The following GUCY1A2 variants were observed in gnomAD, a reference collection of about 807,000 sequenced individuals.
GUCY1A2 encodes guanylate cyclase 1 soluble subunit alpha 2, also known as guanylate cyclase soluble subunit alpha-2.
GUCY1A2 carries 27 observed loss-of-function variants against 63.5 expected under a neutral mutation model. The observed-to-expected ratio is 0.43, with a 90% CI of 0.31 to 0.59. GUCY1A2 has a LOEUF of 0.59. Among genes scored for constraint, GUCY1A2 ranks in the 20% least tolerant of loss-of-function variants. The pLI is 0.11. For missense variants in GUCY1A2, 768 were observed against 913.3 expected (o/e 0.84, Z 2.05); for synonymous variants, 364 against 343.5 (o/e 1.06, Z -0.66).
intron 3 of GUCY1A2, among the ~76,000 whole-genome samples, chr11:106,942,481 C>G (rs899537851): frequency 2.6e-5 from 4 of 152,118 alleles, no homozygotes; most frequent in African/African-American, 9.7e-5. Flanking sequence ...TTATTAAAAA[C>G]TAAATACAGA....
At chr11:106,805,269 G>A (rs979972705) in intron 5 of GUCY1A2, among the ~76,000 whole-genome samples, 5 of 145,790 alleles carry the variant, frequency 3.4e-5, no homozygotes, top group Non-Finnish European at 6.0e-5. Flanking sequence ...TTTTTGAGAC[G>A]TAGTCTCACT....
chr11:106,902,962 AG>A (rs1860154764), intron 4 of GUCY1A2, among the ~76,000 whole-genome samples: 1 of 152,156 alleles, frequency 6.6e-6, no homozygotes, highest in Non-Finnish European at 1.5e-5. Context: ...ACAGATACCA[AG>A]GGACGACAGT....
At position 106,681,479 on chromosome 11, in the gene GUCY1A2, C is replaced by T. The variant is rs555810937; in HGVS notation, c.*6070G>A. On this transcript the variant is annotated 3_prime_UTR_variant, in exon 8 of 8. Coordinates refer to ENST00000526355, the MANE Select transcript of GUCY1A2 (RefSeq NM_000855.3). ...AAATTGGGCAACATTATAAATAATA[C>T]ACAAATCTCTTTGACAGGAATAGAA... 3.2e-5 allele frequency: 7 copies of T among 220,812 alleles called. No homozygotes were observed. Among genetic ancestry groups the T allele is most frequent in the African/African-American group, 1.6e-4 (7 of 44,740 alleles). The allele number at this position is 220,812 out of a possible 1,614,324, so 13.7% of individuals were successfully genotyped here. A position where few individuals can be genotyped will look rare whatever the true frequency, so the allele number is the denominator to read the frequency against.
intron 3 of GUCY1A2, among the ~76,000 whole-genome samples, chr11:106,972,201 G>A (rs1422926089): frequency 6.6e-6 from 1 of 152,074 alleles, no homozygotes; most frequent in African/African-American, 2.4e-5. Flanking sequence ...AATAAAGCAT[G>A]GAATTTTGTT....
intron 7 of GUCY1A2, among the ~76,000 whole-genome samples, chr11:106,697,107 C>T (rs1261974599): frequency 6.6e-6 from 1 of 152,196 alleles, no homozygotes; most frequent in African/African-American, 2.4e-5. Flanking sequence ...GCAGCGTGAT[C>T]AAACATGTTA....
chr11:106,952,860 G>C (rs560348011), intron 3 of GUCY1A2, among the ~76,000 whole-genome samples: 29 of 152,078 alleles, frequency 1.9e-4, no homozygotes, highest in African/African-American at 6.8e-4. Context: ...GTCTGGTCTC[G>C]AACTCCTGAC....
chr11:107,014,191 C>T (rs1375666777), intron 1 of GUCY1A2, among the ~76,000 whole-genome samples: 1 of 142,900 alleles, frequency 7.0e-6, no homozygotes, highest in Non-Finnish European at 1.5e-5. Context: ...CGGGTTCAAG[C>T]AATTCTCCTG....
At chr11:106,859,348 T>C (rs1334282655) in intron 4 of GUCY1A2, among the ~76,000 whole-genome samples, 1 of 152,040 alleles carries the variant, frequency 6.6e-6, no homozygotes, top group Non-Finnish European at 1.5e-5. Flanking sequence ...CATTGTCTCA[T>C]ACTTAAATTG....
intron 1 of GUCY1A2, among the ~76,000 whole-genome samples, chr11:106,987,247 A>T (rs1303597828): frequency 6.6e-6 from 1 of 152,228 alleles, no homozygotes; most frequent in African/African-American, 2.4e-5. Context: ...TAAAAAGGCA[A>T]TCTGCAGAAA....
chr11:107,017,833 C>CGGCAGT lies in GUCY1A2; in HGVS notation c.217_222dup (p.Thr73_Ala74dup), dbSNP rs771649150. On this transcript the variant is annotated inframe_insertion, in exon 1 of 8. Coordinates refer to ENST00000526355, the MANE Select transcript of GUCY1A2 (RefSeq NM_000855.3). The stretch of plus-strand genomic sequence containing the variant: ...CTCCGGCGCTGCACCCTCCTGGCCC[C>CGGCAGT]GGCAGTGGCAGCGGCGGCGGCGGCA... 43 of 1,291,948 alleles carry CGGCAGT rather than the reference C, an allele frequency of 3.3e-5. No individual in the cohort carries two copies. In the African/African-American group the frequency reaches 6.1e-4, roughly 18 times the overall value. The allele number at this position is 1,291,948 out of a possible 1,614,324, so 80.0% of individuals were successfully genotyped here.
chr11:106,987,114 GA>G (rs905246713), intron 1 of GUCY1A2, among the ~76,000 whole-genome samples: 18 of 151,390 alleles, frequency 1.2e-4, no homozygotes, highest in Non-Finnish European at 1.6e-4. Context: ...CAATTAAGCA[GA>G]AAAAAAGCAC....
chr11:106,992,781 C>T (rs1365536932), intron 1 of GUCY1A2, among the ~76,000 whole-genome samples: 2 of 152,056 alleles, frequency 1.3e-5, no homozygotes, highest in African/African-American at 4.8e-5. Context: ...ACAAGAAAAC[C>T]TATAAGCAAA....
At chr11:106,913,755 A>G (rs1260038019) in intron 4 of GUCY1A2, among the ~76,000 whole-genome samples, 1 of 152,104 alleles carries the variant, frequency 6.6e-6, no homozygotes, top group Non-Finnish European at 1.5e-5. Flanking sequence ...GCTTCATCTC[A>G]ACATTAAAGT....
In GUCY1A2 at chr11:106,679,959, CT is replaced by C. The variant is rs147168961; in HGVS notation, c.*7589del. The stretch of plus-strand genomic sequence containing the variant: ...TAAAAATGGCTTGTGAAGGGTTTCT[CT>C]TTTTTTGTCTTTCTCTTTTCTTTTT... On this transcript the variant is annotated 3_prime_UTR_variant, in exon 8 of 8. Coordinates refer to ENST00000526355, the MANE Select transcript of GUCY1A2 (RefSeq NM_000855.3). 0.096 allele frequency: 20,959 copies of C among 217,660 alleles called. 1,356 individuals are homozygous for C. The highest frequency in any genetic ancestry group is 0.14 in the Non-Finnish European group (15,152 of 108,232). 13.5% of individuals were successfully genotyped at this position (217,660 alleles called of 1,614,324 possible). A position where few individuals can be genotyped will look rare whatever the true frequency, so the allele number is the denominator to read the frequency against.
chr11:107,004,924 T>C (rs1225078930), intron 1 of GUCY1A2, among the ~76,000 whole-genome samples: 1 of 152,096 alleles, frequency 6.6e-6, no homozygotes, highest in East Asian at 1.9e-4. Flanking sequence ...CATGAGTATA[T>C]AGAGTACAAG....
At chr11:106,687,884 G>C in intron 7 of GUCY1A2, 128 bp from the exon 8 acceptor site, 1 of 634,608 alleles carries the variant, frequency 1.6e-6, no homozygotes. Context: ...TCTTTGTATA[G>C]ATGTGGCCTT....
At position 106,683,478 on chromosome 11, in the gene GUCY1A2, G is replaced by C. The variant is rs916170186; in HGVS notation, c.*4071C>G. On this transcript the variant is annotated 3_prime_UTR_variant, in exon 8 of 8. Coordinates refer to ENST00000526355, the MANE Select transcript of GUCY1A2 (RefSeq NM_000855.3). ...AAGCTGCAGATATAATCAATGCCCC[G>C]GCACATCCAGTTCATTACTACACTT... 1 of 227,250 alleles carries C rather than the reference G, an allele frequency of 4.4e-6. No homozygotes were observed. The highest frequency in any genetic ancestry group is 6.3e-5 in the East Asian group (1 of 15,932). The allele number at this position is 227,250 out of a possible 1,614,324, so 14.1% of individuals were successfully genotyped here.
chr11:106,716,441 G>C (rs186515368), intron 6 of GUCY1A2, among the ~76,000 whole-genome samples: 85 of 152,200 alleles, frequency 5.6e-4, no homozygotes, highest in African/African-American at 1.8e-3. Flanking sequence ...ATCCAATCCT[G>C]GCTCTACTAC....
chr11:106,830,125 C>T (rs1859030451), intron 4 of GUCY1A2, among the ~76,000 whole-genome samples: 1 of 152,124 alleles, frequency 6.6e-6, no homozygotes, highest in African/African-American at 2.4e-5. Context: ...AAAATATCTT[C>T]ATTTCATTCA....
Sources: allele counts gnomAD v4.1 joint callset (sites outside exome capture counted in the v4.1 genomes callset), GRCh38; gene constraint gnomAD v4.1.1; transcripts MANE v1.5; gene names NCBI Gene and HGNC (gene_info 2026-07-23, HGNC 2026-07-21).